Variants in HEPACAM observed in about 807,000 individuals in gnomAD.
HEPACAM encodes hepatocyte cell adhesion molecule.
In HEPACAM, 18 loss-of-function variants were observed where a neutral mutation model predicts 38.3. That is an observed-to-expected ratio of 0.47 (90% CI 0.33 to 0.70). The LOEUF is 0.70. Among genes scored for constraint, HEPACAM ranks in the 30% least tolerant of loss-of-function variants. HEPACAM has a pLI of 0.03. For synonymous variants in HEPACAM, 216 were observed against 243.1 expected, an observed-to-expected ratio of 0.89 and a Z score of 1.04; for missense variants, 466 against 563.0, an observed-to-expected ratio of 0.83 and a Z score of 1.74.
At chr11:124,922,641 G>A in intron 5 of HEPACAM, 104 bp downstream of exon 5, 1 of 1,613,544 alleles carries the variant, frequency 6.2e-7, no homozygotes, top group Non-Finnish European at 8.5e-7. Flanking sequence ...GTGGGGGAAG[G>A]GTCCCTGCAG....
At chr11:124,932,872 G>A (rs565580226) in intron 1 of HEPACAM, among the ~76,000 whole-genome samples, 1 of 152,304 alleles carries the variant, frequency 6.6e-6, no homozygotes, top group African/African-American at 2.4e-5. Flanking sequence ...ACATGTCAAA[G>A]TTGATAGGGC....
At chr11:124,923,522 G>C in intron 3 of HEPACAM, 89 bp from the exon 4 acceptor site, 2 of 1,172,902 alleles carry the variant, frequency 1.7e-6, no homozygotes, top group Non-Finnish European at 2.5e-6. Context: ...TGGAAGAGAG[G>C]GGGAGCCCCA....
chr11:124,923,173 G>T (rs1468227089), intron 4 of HEPACAM, among the ~76,000 whole-genome samples, 167 bp downstream of exon 4: 2 of 152,148 alleles, frequency 1.3e-5, no homozygotes. Context: ...GGGGTTGTGG[G>T]GGCTTTGGAG....
rs557078673 is a variant in HEPACAM at position 124,922,920 on chromosome 11, G to C, written c.804-102C>G. ...ATCTGATGGCCATAAAAGAGGCCTT[G>C]TGACAGGAAGATGGGCTGGGTACAG... On this transcript the variant is annotated intron_variant, in intron 4 of 6. Coordinates refer to ENST00000298251, the MANE Select transcript of HEPACAM (RefSeq NM_152722.5). The C allele has an allele frequency of 3.5e-5, 41 of 1,179,498 alleles. No individual in the cohort carries two copies. The African/African-American group carries it at 5.9e-4, about 17-fold the overall frequency. 73.1% of individuals were successfully genotyped at this position (1,179,498 alleles called of 1,614,324 possible).
chr11:124,921,205 A>G lies in HEPACAM; in HGVS notation c.1184T>C (p.Leu395Pro), dbSNP rs1947130882. ...PGRSRSASRT[L>P]RTAGVHIIRE... Reference sequence around the variant, plus strand: ...GATTATGTGCACGCCCGCAGTCCGCAGTGTGCGCGAGGCGCTGCGCGAGCG... The same window carrying G: ...GATTATGTGCACGCCCGCAGTCCGCGGTGTGCGCGAGGCGCTGCGCGAGCG... The change falls in exon 7 of 7, where the codon CTG becomes CCG. Residue 395 changes from leucine to proline, a missense_variant. Coordinates refer to ENST00000298251, the MANE Select transcript of HEPACAM (RefSeq NM_152722.5). This position sits in a 1 kb window ranked among gnomAD's most constrained non-coding sequence, Gnocchi z 4.6. 7 of 1,507,346 alleles carry G rather than the reference A, an allele frequency of 4.6e-6. No individual in the cohort carries two copies. In the East Asian group the frequency reaches 1.9e-4, roughly 40 times the overall value. The allele number at this position is 1,507,346 out of a possible 1,614,324, so 93.4% of individuals were successfully genotyped here.
chr11:124,927,116 C>T (rs1217999565), intron 1 of HEPACAM, among the ~76,000 whole-genome samples: 4 of 152,082 alleles, frequency 2.6e-5, no homozygotes, highest in Middle Eastern at 3.2e-3. Context: ...GTGATCTGCC[C>T]GCCTCAGCCT....
At position 124,919,572 on chromosome 11, in the gene HEPACAM, G is replaced by T. The variant is rs1410002333; in HGVS notation, c.*1566C>A. ...CCCCTACATGCATTATCTCATTATGGATGAGGCACCTGGGAAGTTTAGGGG... is the reference window on the plus strand; with the variant it reads ...CCCCTACATGCATTATCTCATTATGTATGAGGCACCTGGGAAGTTTAGGGG... On this transcript the variant is annotated 3_prime_UTR_variant, in exon 7 of 7. Coordinates refer to ENST00000298251, the MANE Select transcript of HEPACAM (RefSeq NM_152722.5). 1.6e-6 allele frequency: 1 copy of T among 641,386 alleles called. No individual in the cohort carries two copies. The highest frequency in any genetic ancestry group is 2.7e-6 in the Non-Finnish European group (1 of 373,856). 39.7% of individuals were successfully genotyped at this position (641,386 alleles called of 1,614,324 possible).
intron 1 of HEPACAM, among the ~76,000 whole-genome samples, chr11:124,926,798 T>A (rs1331309675): frequency 6.6e-6 from 1 of 152,038 alleles, no homozygotes; most frequent in Non-Finnish European, 1.5e-5. Flanking sequence ...ATTTCTCTCC[T>A]CATGCTTGGA....
In HEPACAM at chr11:124,920,873, C is replaced by G; in HGVS notation, c.*265G>C. On this transcript the variant is annotated 3_prime_UTR_variant, in exon 7 of 7. Transcript: ENST00000298251. Reference sequence around the variant, plus strand: ...CCAGAAATGTAATAATCTATGTGGTCCTAAGAGGGCACAACCTATACCAAG... The same window carrying G: ...CCAGAAATGTAATAATCTATGTGGTGCTAAGAGGGCACAACCTATACCAAG... 1 of 1,308,266 alleles carries G rather than the reference C, an allele frequency of 7.6e-7. No homozygotes were observed. The highest frequency in any genetic ancestry group is 9.7e-7 in the Non-Finnish European group (1 of 1,030,124). The allele number at this position is 1,308,266 out of a possible 1,614,324, so 81.0% of individuals were successfully genotyped here.
At position 124,922,393 on chromosome 11, in the gene HEPACAM, C is replaced by T; in HGVS notation, c.943G>A (p.Asp315Asn). The T allele has an allele frequency of 6.2e-7, 1 of 1,614,116 alleles. No homozygotes were observed. The highest frequency in any genetic ancestry group is 8.5e-7 in the Non-Finnish European group (1 of 1,179,986). ...CCCAGTCCAGAGCCGCTCACCTTGTCCTTCAGGATATAGAGTGCCATGGGG... is the reference window on the plus strand; with the variant it reads ...CCCAGTCCAGAGCCGCTCACCTTGTTCTTCAGGATATAGAGTGCCATGGGG... ...KNPMALYILKDKDSPETEENP... is the reference protein window; with the variant it reads ...KNPMALYILKNKDSPETEENP... Residue 315 changes from aspartate (D) to asparagine (N), a missense_variant, in exon 6 of 7, where the codon GAC (aspartate) becomes AAC (asparagine). By Grantham distance (23) the Asp-to-Asn change is conservative (BLOSUM62 1). Coordinates refer to ENST00000298251, the MANE Select transcript of HEPACAM (RefSeq NM_152722.5).
chr11:124,934,348 T>C (rs994716821), intron 1 of HEPACAM, among the ~76,000 whole-genome samples: 8 of 152,018 alleles, frequency 5.3e-5, no homozygotes, highest in African/African-American at 1.9e-4. Context: ...TTTTGACCTG[T>C]GTTCCCCTCA....
chr11:124,922,459 C>T lies in HEPACAM; in HGVS notation c.878-1G>A. 6.2e-7 allele frequency: 1 copy of T among 1,614,146 alleles called. No individual in the cohort carries two copies. Among genetic ancestry groups the T allele is most frequent in the Non-Finnish European group, 8.5e-7 (1 of 1,179,990 alleles). ...TCACCACTTCGAGGGAGGGTGTCTG[C>T]TGCACAGGGGAGAGAAGCGGGTGGC... On this transcript the variant is annotated splice_acceptor_variant, in intron 5 of 6. Coordinates refer to ENST00000298251, the MANE Select transcript of HEPACAM (RefSeq NM_152722.5). LOFTEE classifies it high-confidence loss of function.
chr11:124,919,988 C>T lies in HEPACAM; in HGVS notation c.*1150G>A, dbSNP rs769071861. 2 of 1,613,328 alleles carry T rather than the reference C, an allele frequency of 1.2e-6. No individual in the cohort carries two copies. Among genetic ancestry groups the T allele is most frequent in the Non-Finnish European group, 1.7e-6 (2 of 1,180,000 alleles). ...TGGGCATGTCCTGGCTACACAGCGG[C>T]CCAGCCTCTTTATTTTGATGTTAGT... On this transcript the variant is annotated 3_prime_UTR_variant, in exon 7 of 7. Transcript: ENST00000298251.
At position 124,920,041 on chromosome 11, in the gene HEPACAM, T is replaced by A; in HGVS notation, c.*1097A>T. The stretch of plus-strand genomic sequence containing the variant: ...GATTAGGGAGTCTGCCCTTTTTCTG[T>A]GCCCTGGGACCTGAGCATGTGGGAG... On this transcript the variant is annotated 3_prime_UTR_variant, in exon 7 of 7. Transcript: ENST00000298251. 1.9e-6 allele frequency: 3 copies of A among 1,605,310 alleles called. No homozygotes were observed. Among genetic ancestry groups the A allele is most frequent in the Non-Finnish European group, 1.7e-6 (2 of 1,175,326 alleles).
chr11:124,922,930 G>T (rs1048267910), intron 4 of HEPACAM, 112 bp from the exon 5 acceptor site: 3 of 1,056,648 alleles, frequency 2.8e-6, no homozygotes, highest in Non-Finnish European at 4.4e-6. Flanking sequence ...GTGACAGGAA[G>T]ATGGGCTGGG....
At chr11:124,927,657 T>C (rs1947234822) in intron 1 of HEPACAM, among the ~76,000 whole-genome samples, 1 of 152,028 alleles carries the variant, frequency 6.6e-6, no homozygotes, top group Non-Finnish European at 1.5e-5. Flanking sequence ...GCGTGGGCCA[T>C]TCATACCTGG....
chr11:124,920,092 A>G lies in HEPACAM; in HGVS notation c.*1046T>C. On this transcript the variant is annotated 3_prime_UTR_variant, in exon 7 of 7. Transcript: ENST00000298251. ...CAGGGCAGATGGGTGGCAGGAGGCC[A>G]GGGGTTGGATCATGTTCCCCCCAAA... is the stretch of plus-strand genomic sequence containing the variant. The G allele has an allele frequency of 2.0e-6, 3 of 1,505,942 alleles. No homozygotes were observed. The highest frequency in any genetic ancestry group is 1.3e-5 in the South Asian group (1 of 78,676). 93.3% of individuals were successfully genotyped at this position (1,505,942 alleles called of 1,614,324 possible). A position where few individuals can be genotyped will look rare whatever the true frequency, so the allele number is the denominator to read the frequency against.
intron 1 of HEPACAM, among the ~76,000 whole-genome samples, chr11:124,930,503 A>G (rs1005729114): frequency 6.6e-6 from 1 of 151,712 alleles, no homozygotes; most frequent in East Asian, 1.9e-4. Context: ...GTAGATGTTC[A>G]GGAATGCGTA....
intron 1 of HEPACAM, among the ~76,000 whole-genome samples, chr11:124,932,748 A>G (rs1441116133): frequency 5.3e-5 from 8 of 152,204 alleles, no homozygotes; most frequent in Non-Finnish European, 1.2e-4. Flanking sequence ...GATACGTATC[A>G]CTTACAGACC....
Sources: gnomAD v4.1 joint callset for allele counts (sites outside exome capture counted in the v4.1 genomes callset) on GRCh38, gnomAD v4.1.1 for gene constraint, Gnocchi (gnomAD v3.1) non-coding constraint, MANE v1.5 for transcripts, NCBI Gene and HGNC (gene_info 2026-07-23, HGNC 2026-07-21) for gene names.